ACACA: variants seen among roughly 807,000 people sequenced by gnomAD.
The protein encoded by ACACA is acetyl-CoA carboxylase 1.
A neutral mutation model predicts 296.1 loss-of-function variants in ACACA; 103 were observed. The ratio of observed to expected loss-of-function variants is 0.35; its 90% CI spans 0.30 to 0.41. The LOEUF (loss-of-function observed/expected upper bound fraction) is 0.41. Among genes scored for constraint, ACACA ranks in the 10% least tolerant of loss-of-function variants. ACACA has a pLI of 1.00. For synonymous variants in ACACA, 953 were observed against 1,038.6 expected (o/e 0.92, Z 1.58); for missense variants, 1,554 against 2,989.7 (o/e 0.52, Z 11.20).
chr17:37,345,644 G>A (rs547436363), intron 1 of ACACA, among the ~76,000 whole-genome samples: 17 of 152,246 alleles, frequency 1.1e-4, no homozygotes, highest in African/African-American at 3.6e-4. Context: ...AAAACTACAG[G>A]GGTCGAGGGG....
Position 37,260,296 on chromosome 17 carries a change from A to AT in ACACA, c.1330-767dup, listed in dbSNP as rs1165828702. ...TATATATATATATATATATATATAT[A>AT]TTTTTTTTTTTTTTTTTTTTGGAGA... On this transcript the variant is annotated intron_variant, in intron 11 of 55. Coordinates refer to ENST00000616317, the MANE Select transcript of ACACA (RefSeq NM_198834.3). 6.7e-3 allele frequency among the ~76,000 whole-genome samples: 127 copies of AT among 18,980 alleles called. 6 individuals carry two copies. The highest frequency in any genetic ancestry group is 8.0e-3 in the Non-Finnish European group (87 of 10,914). 12.5% of individuals were successfully genotyped at this position (18,980 alleles called of 152,430 possible). A position where few individuals can be genotyped will look rare whatever the true frequency, so the allele number is the denominator to read the frequency against.
At chr17:37,173,425 G>T (rs1049793647) in intron 41 of ACACA, among the ~76,000 whole-genome samples, 1 of 151,764 alleles carries the variant, frequency 6.6e-6, no homozygotes, top group Admixed American at 6.6e-5. Context: ...AATCTTTTAG[G>T]CTTATATAAG....
At chr17:37,390,334 A>ATATATATAT (rs2050822111) in intron 1 of ACACA, among the ~76,000 whole-genome samples, 7 of 93,392 alleles carry the variant, frequency 7.5e-5, no homozygotes, top group Non-Finnish European at 9.7e-5. Flanking sequence ...ATATATATAT[A>ATATATATAT]AAAGGCCAGC....
intron 42 of ACACA, among the ~76,000 whole-genome samples, chr17:37,160,925 G>A (rs914712978): frequency 6.6e-6 from 1 of 152,144 alleles, no homozygotes; most frequent in Non-Finnish European, 1.5e-5. Flanking sequence ...AGAGGATGGA[G>A]GGGGTAGCAA....
At chr17:37,299,028 G>C (rs2083487324) in intron 3 of ACACA, among the ~76,000 whole-genome samples, 1 of 152,150 alleles carries the variant, frequency 6.6e-6, no homozygotes, top group South Asian at 2.1e-4. Context: ...TGCATGGGGT[G>C]CTTGTTTTCA....
Position 37,351,248 on chromosome 17 carries a change from T to C in ACACA, c.39-11398A>G, listed in dbSNP as rs147258366. Among the ~76,000 whole-genome samples the C allele has an allele frequency of 6.9e-3, 1,050 of 152,186 alleles. 11 individuals are homozygous for C. Among genetic ancestry groups the C allele is most frequent in the Non-Finnish European group, 9.9e-3 (672 of 67,996 alleles). ...AGGCCAAGACCGGAGGATCACCTGA[T>C]GTCAGGGGTTCAAGACCAGCCTGGC... On this transcript the variant is annotated intron_variant, in intron 1 of 55. Transcript: ENST00000616317.
intron 41 of ACACA, among the ~76,000 whole-genome samples, chr17:37,163,344 TAGCAGAAGCCCAAC>T (rs1258843587): frequency 4.6e-5 from 7 of 152,036 alleles, no homozygotes; most frequent in African/African-American, 1.7e-4. Flanking sequence ...CTGAGACCCT[TAGCAGAAGCCCAAC>T]AGATGCAGTT....
At position 37,258,262 on chromosome 17, in the gene ACACA, G is replaced by C. The variant is rs774611562; in HGVS notation, c.1612C>G (p.Pro538Ala). ...CGAGCAGCAATAACATGGCCCCTTG[G>C]ACAAGGAACGTGTGCAGAATCTTCA... Reference protein sequence around the residue: ...DFEDSAHVPCPRGHVIAARIT... With the variant: ...DFEDSAHVPCARGHVIAARIT... The change falls in exon 13 of 56, where the codon CCA becomes GCA. Residue 538 changes from proline to alanine, a missense_variant. Physicochemically the swap from Pro to Ala is conservative, Grantham distance 27 (BLOSUM62 -1). This residue lies in a region of ACACA where 37 missense variants were observed against 49.9 expected (regional missense o/e 0.74). Coordinates refer to ENST00000616317, the MANE Select transcript of ACACA (RefSeq NM_198834.3). 6.2e-7 allele frequency: 1 copy of C among 1,613,988 alleles called. No homozygotes were observed. The highest frequency in any genetic ancestry group is 1.3e-5 in the African/African-American group (1 of 74,900).
chr17:37,233,719 CCTT>C (rs1488952283), intron 25 of ACACA, among the ~76,000 whole-genome samples: 1 of 152,134 alleles, frequency 6.6e-6, no homozygotes, highest in Non-Finnish European at 1.5e-5. Flanking sequence ...AGTCTTTCTT[CCTT>C]CTTTTGACTG....
chr17:37,377,811 G>A (rs1311385487), intron 1 of ACACA: 30 of 1,268,616 alleles, frequency 2.4e-5, no homozygotes, highest in Non-Finnish European at 3.0e-5. Context: ...TAAAAAGTAA[G>A]TACCAGTAAA....
chr17:37,394,915 A>G (rs1243616028), intron 1 of ACACA, among the ~76,000 whole-genome samples: 1 of 151,094 alleles, frequency 6.6e-6, no homozygotes, highest in Non-Finnish European at 1.5e-5. Flanking sequence ...TAAAATATAT[A>G]ATAAAATAAA....
At chr17:37,207,932 T>A in intron 30 of ACACA, 132 bp from the exon 31 acceptor site, 1 of 977,834 alleles carries the variant, frequency 1.0e-6, no homozygotes, top group Admixed American at 1.9e-5. Flanking sequence ...TTGGTTTTTT[T>A]ACCCACTATG....
chr17:37,271,249 C>T (rs766042703), intron 9 of ACACA, among the ~76,000 whole-genome samples: 2 of 152,218 alleles, frequency 1.3e-5, no homozygotes, highest in African/African-American at 2.4e-5. Flanking sequence ...GGCACAGTGG[C>T]TAACGCCTGT....
intron 2 of ACACA, among the ~76,000 whole-genome samples, chr17:37,338,935 G>A (rs543691183): frequency 1.1e-4 from 14 of 132,452 alleles, no homozygotes; most frequent in East Asian, 8.5e-4. Flanking sequence ...GACTCCCTCC[G>A]TCTCAAAAGA....
chr17:37,381,664 G>A (rs183807784), intron 1 of ACACA, among the ~76,000 whole-genome samples: 6 of 126,622 alleles, frequency 4.7e-5, no homozygotes, highest in South Asian at 2.5e-4. Flanking sequence ...GTCTCGCTCC[G>A]TTGCCCAGGC....
intron 8 of ACACA, among the ~76,000 whole-genome samples, chr17:37,275,559 T>C (rs963791138): frequency 6.8e-6 from 1 of 146,430 alleles, no homozygotes; most frequent in Non-Finnish European, 1.5e-5. Flanking sequence ...TTTGAGTAAG[T>C]GGGTTTTAGG....
At chr17:37,182,150 C>T (rs890937026) in intron 39 of ACACA, among the ~76,000 whole-genome samples, 2 of 151,982 alleles carry the variant, frequency 1.3e-5, no homozygotes, top group Non-Finnish European at 2.9e-5. Flanking sequence ...AGTATATCAT[C>T]TGTGCTTTAG....
At chr17:37,187,833 A>G (rs1184931768) in intron 39 of ACACA, among the ~76,000 whole-genome samples, 1 of 152,242 alleles carries the variant, frequency 6.6e-6, no homozygotes, top group Non-Finnish European at 1.5e-5. Context: ...ACTATGTTGA[A>G]ATTTTCCTTC....
intron 1 of ACACA, among the ~76,000 whole-genome samples, chr17:37,402,598 T>C (rs749464556): frequency 2.0e-5 from 3 of 152,198 alleles, no homozygotes; most frequent in East Asian, 1.9e-4. Flanking sequence ...TCACCCTACT[T>C]GTAAGTCACA....
Sources: allele counts gnomAD v4.1 joint callset (sites outside exome capture counted in the v4.1 genomes callset), GRCh38; gene constraint gnomAD v4.1.1; regional missense constraint gnomAD v4.1.1; transcripts MANE v1.5; gene names NCBI Gene and HGNC (gene_info 2026-07-23, HGNC 2026-07-21).